The following NCOA7 variants were observed in gnomAD, a reference collection of about 807,000 sequenced individuals.
NCOA7 encodes 140 kDa estrogen receptor-associated protein.
NCOA7 carries 45 observed loss-of-function variants against 104.3 expected under a neutral mutation model. The ratio of observed to expected loss-of-function variants is 0.43; its 90% CI spans 0.34 to 0.55. The LOEUF (loss-of-function observed/expected upper bound fraction) is 0.55. NCOA7 is among the 20% of genes least tolerant of loss of function. The pLI is 0.02. For missense variants in NCOA7, 1,041 were observed against 1,119.7 expected (o/e 0.93, Z 1.00); for synonymous variants, 398 against 402.3 (o/e 0.99, Z 0.13).
intron 2 of NCOA7, among the ~76,000 whole-genome samples, chr6:125,827,583 A>G (rs546452827): frequency 1.6e-4 from 25 of 152,308 alleles, no homozygotes; most frequent in African/African-American, 6.0e-4. Flanking sequence ...AATGACATTT[A>G]AAGGTCATTT....
At chr6:125,832,790 G>C (rs1779295289) in intron 2 of NCOA7, among the ~76,000 whole-genome samples, 1 of 152,212 alleles carries the variant, frequency 6.6e-6, no homozygotes, top group Non-Finnish European at 1.5e-5. Flanking sequence ...GCTACAAAGT[G>C]GATGTTCTTT....
At chr6:125,786,573 C>CTTTTTT (rs148199881), upstream of NCOA7, among the ~76,000 whole-genome samples, 5 of 121,086 alleles carry the variant, frequency 4.1e-5, no homozygotes, top group Non-Finnish European at 5.1e-5. Flanking sequence ...TAATCATTGT[C>CTTTTTT]TTTTTTTTTT....
intron 1 of NCOA7, among the ~76,000 whole-genome samples, chr6:125,797,543 A>G (rs1031977881): frequency 6.6e-6 from 1 of 152,226 alleles, no homozygotes; most frequent in African/African-American, 2.4e-5. Context: ...AAGAGCTTTC[A>G]TGTTTCTTCT....
At chr6:125,881,291 C>T in intron 6 of NCOA7, 88 bp downstream of exon 6, 2 of 953,884 alleles carry the variant, frequency 2.1e-6, no homozygotes, top group Non-Finnish European at 3.3e-6. Flanking sequence ...CACAAGATTA[C>T]ATCTGAAATT....
At chr6:125,838,122 C>T (rs1019401029) in intron 2 of NCOA7, among the ~76,000 whole-genome samples, 1 of 152,098 alleles carries the variant, frequency 6.6e-6, no homozygotes, top group Non-Finnish European at 1.5e-5. Context: ...GAGAAGCATA[C>T]AATTTTTTTT....
At chr6:125,853,116 G>C (rs964532126) in intron 2 of NCOA7, among the ~76,000 whole-genome samples, 1 of 152,100 alleles carries the variant, frequency 6.6e-6, no homozygotes, top group African/African-American at 2.4e-5. Flanking sequence ...GCAGTGTTTT[G>C]TAAGTTTCCT....
At chr6:125,835,339 C>A (rs746113518) in intron 2 of NCOA7, among the ~76,000 whole-genome samples, 4 of 152,044 alleles carry the variant, frequency 2.6e-5, no homozygotes, top group Non-Finnish European at 4.4e-5. Context: ...GAAGCTCTTT[C>A]CCCTTTCTAG....
At chr6:125,893,393 T>G (rs1272662975) in intron 10 of NCOA7, among the ~76,000 whole-genome samples, 1 of 152,252 alleles carries the variant, frequency 6.6e-6, no homozygotes, top group Non-Finnish European at 1.5e-5. Flanking sequence ...ATTTCGATGG[T>G]GAACTTCACA....
intron 2 of NCOA7, among the ~76,000 whole-genome samples, chr6:125,818,116 T>G (rs1777769482): frequency 6.6e-6 from 1 of 151,544 alleles, no homozygotes; most frequent in Non-Finnish European, 1.5e-5. Flanking sequence ...CTCCTTACTT[T>G]CTTCTTCTTT....
intron 10 of NCOA7, among the ~76,000 whole-genome samples, chr6:125,897,070 G>T (rs377396046): frequency 1.4e-4 from 21 of 152,314 alleles, no homozygotes; most frequent in African/African-American, 4.1e-4. Flanking sequence ...TATAATATTT[G>T]GGATTTTTGT....
At chr6:125,878,166 TTTG>T in intron 4 of NCOA7, 94 bp from the exon 5 acceptor site, 1 of 618,984 alleles carries the variant, frequency 1.6e-6, no homozygotes, top group South Asian at 2.8e-5. Context: ...GAACTATTAG[TTTG>T]TTATTTATTC....
upstream of NCOA7, among the ~76,000 whole-genome samples, chr6:125,788,679 G>A (rs1328800424): frequency 1.4e-5 from 2 of 147,474 alleles, no homozygotes; most frequent in African/African-American, 2.5e-5. Context: ...GGGACTACAG[G>A]ACCCACCACA....
intron 2 of NCOA7, among the ~76,000 whole-genome samples, chr6:125,834,680 G>A (rs1198375960): frequency 6.6e-6 from 1 of 152,202 alleles, no homozygotes; most frequent in Non-Finnish European, 1.5e-5. Flanking sequence ...GGAAGAAGCT[G>A]AGGCAAAATT....
chr6:125,793,805 A>G (rs967422319), intron 1 of NCOA7, among the ~76,000 whole-genome samples: 1 of 152,250 alleles, frequency 6.6e-6, no homozygotes, highest in Non-Finnish European at 1.5e-5. Flanking sequence ...GTAAATTTGT[A>G]TGACCTTGAA....
At chr6:125,785,445 AAAAC>A (rs1435317314) in intron 1 of NCOA7, among the ~76,000 whole-genome samples, 25 of 152,290 alleles carry the variant, frequency 1.6e-4, no homozygotes, top group African/African-American at 5.3e-4. Context: ...TCATGGGGAG[AAAAC>A]TAGGAGGAAA....
At chr6:125,832,351 C>T (rs1273887053) in intron 2 of NCOA7, among the ~76,000 whole-genome samples, 1 of 152,156 alleles carries the variant, frequency 6.6e-6, no homozygotes, top group Non-Finnish European at 1.5e-5. Context: ...CTGCCTAACC[C>T]TACCCAGGTC....
At chr6:125,799,722 A>G (rs1471491825) in intron 1 of NCOA7, among the ~76,000 whole-genome samples, 2 of 152,100 alleles carry the variant, frequency 1.3e-5, no homozygotes, top group Non-Finnish European at 2.9e-5. Context: ...GTTTACAGAC[A>G]TGAACCGCTT....
rs1788467661 is a variant in NCOA7 at position 125,931,618 on chromosome 6, A to G, written c.*2847A>G. ...GACTCTACTGAAAATGATTAGATGC[A>G]TCCCCGTGCTACAAGCCACCAGAGA... On this transcript the variant is annotated 3_prime_UTR_variant, in exon 16 of 16. Coordinates refer to ENST00000392477, the MANE Select transcript of NCOA7 (RefSeq NM_181782.5). 1 of 152,210 alleles carries G rather than the reference A, an allele frequency of 6.6e-6. No individual in the cohort carries two copies. The highest frequency in any genetic ancestry group is 1.5e-5 in the Non-Finnish European group (1 of 68,044). The allele number at this position is 152,210 out of a possible 1,614,324, so 9.4% of individuals were successfully genotyped here.
At chr6:125,891,636 A>G (rs1003074594) in intron 10 of NCOA7, among the ~76,000 whole-genome samples, 1 of 152,228 alleles carries the variant, frequency 6.6e-6, no homozygotes, top group African/African-American at 2.4e-5. Context: ...GCAAGCTTCC[A>G]TAGCATGATT....
Sources: gnomAD v4.1 joint callset for allele counts (sites outside exome capture counted in the v4.1 genomes callset) on GRCh38, gnomAD v4.1.1 for gene constraint, MANE v1.5 for transcripts, NCBI Gene and HGNC (gene_info 2026-07-23, HGNC 2026-07-21) for gene names.